The following DCUN1D4 variants were observed in gnomAD, a reference collection of about 807,000 sequenced individuals.
DCUN1D4 encodes the protein defective in cullin neddylation 1 domain containing 4, also known as DCN1-like protein 4.
A neutral mutation model predicts 47.9 loss-of-function variants in DCUN1D4; 22 were observed. The observed-to-expected ratio is 0.46, with a 90% CI of 0.33 to 0.66. DCUN1D4 has a LOEUF of 0.66. Ranked by LOEUF, DCUN1D4 falls within the 30% of genes least tolerant of loss-of-function variation. The pLI is 0.02. For missense variants in DCUN1D4, 301 were observed against 340.8 expected (o/e 0.88, Z 0.92); for synonymous variants, 121 against 112.2 (o/e 1.08, Z -0.50).
In DCUN1D4 at chr4:51,844,289, C is replaced by T. The variant is rs1349082911; in HGVS notation, c.25+1022C>T. ...GGCAGGGTCCCTTGAAGGGGGGAGT[C>T]CAAGCTTCGGGGTGCGGAGAGAGGA... On this transcript the variant is annotated intron_variant, in intron 1 of 10. Transcript: ENST00000334635. 7.2e-6 allele frequency: 7 copies of T among 975,594 alleles called. No homozygotes were observed. In the African/African-American group the frequency reaches 7.2e-5, roughly 10 times the overall value. The allele number at this position is 975,594 out of a possible 1,614,324, so 60.4% of individuals were successfully genotyped here. A position where few individuals can be genotyped will look rare whatever the true frequency, so the allele number is the denominator to read the frequency against.
rs1731759324 is a variant in DCUN1D4, at chr4:51,899,393, G to A, written c.615+15G>A. The A allele has an allele frequency of 6.3e-7, 1 of 1,594,092 alleles. No individual in the cohort carries two copies. On this transcript the variant is annotated intron_variant, in intron 8 of 10. Transcript: ENST00000334635. ...ACTTTGCACGGGTGAGTTCTCTGGA[G>A]CCTATCCAGATGTTTCCCTCTCTTC...
At chr4:51,848,309 C>T in intron 1 of DCUN1D4, 1 of 1,288,202 alleles carries the variant, frequency 7.8e-7, no homozygotes, top group Non-Finnish European at 1.0e-6. Context: ...GTGCACACGT[C>T]CGTTTCTGGT....
chr4:51,864,957 G>C (rs953272234), intron 3 of DCUN1D4: 1 of 153,538 alleles, frequency 6.5e-6, no homozygotes, highest in Non-Finnish European at 1.5e-5. Context: ...GCCAGCACAT[G>C]GTTTAACATT....
intron 5 of DCUN1D4, among the ~76,000 whole-genome samples, chr4:51,883,051 T>C (rs1404385111): frequency 3.3e-5 from 5 of 152,196 alleles, no homozygotes; most frequent in Admixed American, 6.5e-5. Context: ...AAAAGAACTT[T>C]GATTCATATC....
chr4:51,881,836 A>G (rs919205140), intron 5 of DCUN1D4, among the ~76,000 whole-genome samples: 5 of 152,144 alleles, frequency 3.3e-5, no homozygotes, highest in African/African-American at 4.8e-5. Flanking sequence ...TCATGCAATT[A>G]CAACTAGATT....
intron 8 of DCUN1D4, chr4:51,908,931 T>C: frequency 2.2e-6 from 1 of 456,208 alleles, no homozygotes; most frequent in South Asian, 1.5e-5. Flanking sequence ...CCGAAGATGG[T>C]GTTAGTGATT....
chr4:51,911,967 C>A (rs999489017), intron 9 of DCUN1D4, among the ~76,000 whole-genome samples: 8 of 152,142 alleles, frequency 5.3e-5, no homozygotes, highest in Non-Finnish European at 1.2e-4. Flanking sequence ...TCTGGCTTCA[C>A]TCTTGAATAA....
chr4:51,844,427 G>T, intron 1 of DCUN1D4: 3 of 984,102 alleles, frequency 3.0e-6, no homozygotes, highest in Non-Finnish European at 3.6e-6. Flanking sequence ...CTCCGGCAGC[G>T]GGACTAGGAG....
upstream of DCUN1D4, chr4:51,843,001 G>T (rs1721838167): frequency 7.7e-7 from 1 of 1,295,718 alleles, no homozygotes; most frequent in Non-Finnish European, 1.0e-6. Flanking sequence ...GTATTGGCCA[G>T]TGGGGGGCGG....
chr4:51,834,021 C>T, the DCUN1D4 span, among the ~76,000 whole-genome samples: 1 of 131,302 alleles, frequency 7.6e-6, no homozygotes, highest in Admixed American at 7.8e-5. Context: ...TGGTGTTGAG[C>T]CATTTGTTTG....
intron 6 of DCUN1D4, among the ~76,000 whole-genome samples, chr4:51,888,647 A>G (rs1296622886): frequency 6.8e-6 from 1 of 147,834 alleles, no homozygotes; most frequent in East Asian, 2.0e-4. Context: ...TGAACCCAGG[A>G]GGTGGAGGTT....
intron 4 of DCUN1D4, 61 bp from the exon 5 acceptor site, chr4:51,877,702 T>C (rs1264422090): frequency 2.0e-5 from 20 of 993,946 alleles, no homozygotes; most frequent in Non-Finnish European, 2.8e-5. Flanking sequence ...ATATAAATTA[T>C]CTGCTACTTT....
intron 1 of DCUN1D4, 127 bp downstream of exon 1, chr4:51,843,394 C>T (rs2109768696): frequency 7.6e-7 from 1 of 1,307,660 alleles, no homozygotes; most frequent in Non-Finnish European, 9.8e-7. Context: ...CTGGGAACCA[C>T]CCCTTCCCCT....
chr4:51,868,047 G>A (rs1186361636), intron 3 of DCUN1D4, among the ~76,000 whole-genome samples: 2 of 152,228 alleles, frequency 1.3e-5, no homozygotes, highest in African/African-American at 4.8e-5. Flanking sequence ...CCAAGCATGT[G>A]CACACCTGGT....
intron 1 of DCUN1D4, among the ~76,000 whole-genome samples, chr4:51,851,379 T>C (rs1313785549): frequency 6.6e-6 from 1 of 152,010 alleles, no homozygotes; most frequent in Non-Finnish European, 1.5e-5. Context: ...GCTTTTGAAG[T>C]TGGATTATGT....
chr4:51,866,124 C>T (rs1468589070), intron 3 of DCUN1D4, among the ~76,000 whole-genome samples: 3 of 152,150 alleles, frequency 2.0e-5, no homozygotes, highest in Admixed American at 2.0e-4. Flanking sequence ...TCTAGGAGTT[C>T]AGGGGTACTA....
Position 51,843,229 on chromosome 4 carries a change from T to G in DCUN1D4, c.-14T>G. 6.5e-7 allele frequency: 1 copy of G among 1,541,514 alleles called. No homozygotes were observed. On this transcript the variant is annotated 5_prime_UTR_variant, in exon 1 of 11. Transcript: ENST00000334635. The stretch of plus-strand genomic sequence containing the variant: ...GGGAGCCTGGGCGGCGAGCCGGGTG[T>G]GAGCTGCCTGAAAATGCACTCGGAT...
At chr4:51,844,796 C>T (rs1722250193) in intron 1 of DCUN1D4, 2 of 983,320 alleles carry the variant, frequency 2.0e-6, no homozygotes, top group Middle Eastern at 5.2e-4. Context: ...TAGTCGCGGC[C>T]GCGCCCGGCC....
At position 51,887,754 on chromosome 4, in the gene DCUN1D4, A is replaced by G. The variant is rs564697245; in HGVS notation, c.414+1116A>G. On this transcript the variant is annotated intron_variant, in intron 6 of 10. Transcript: ENST00000334635. Reference sequence around the variant, plus strand: ...GCTTTTAAAGAAACTAGCAAAATTCACATTTTTTTCTTTAAACTTTTTATT... The same window carrying G: ...GCTTTTAAAGAAACTAGCAAAATTCGCATTTTTTTCTTTAAACTTTTTATT... 9.9e-5 allele frequency among the ~76,000 whole-genome samples: 15 copies of G among 152,232 alleles called. No individual in the cohort carries two copies. In the East Asian group the frequency reaches 2.5e-3, roughly 25 times the overall value.
Sources: gnomAD v4.1 joint callset for allele counts (sites outside exome capture counted in the v4.1 genomes callset) on GRCh38, gnomAD v4.1.1 for gene constraint, MANE v1.5 for transcripts, NCBI Gene and HGNC (gene_info 2026-07-23, HGNC 2026-07-21) for gene names.